The following RHBDD1 variants were observed in gnomAD, a reference collection of about 807,000 sequenced individuals.
RHBDD1 encodes the protein rhomboid-related protein 4.
Under a neutral mutation model 36.3 loss-of-function variants are expected in RHBDD1, and 38 were observed. The observed-to-expected ratio is 1.05, with a 90% CI of 0.81 to 1.37. The LOEUF (loss-of-function observed/expected upper bound fraction) is 1.37. Among genes scored for constraint, RHBDD1 ranks in the 40% most tolerant of loss-of-function variants. The pLI is 0.00. For missense variants in RHBDD1, 393 were observed against 377.6 expected, an observed-to-expected ratio of 1.04 and a Z score of -0.34; for synonymous variants, 151 against 136.5, an observed-to-expected ratio of 1.11 and a Z score of -0.74.
At chr2:226,993,788 G>A (rs138845397) in intron 8 of RHBDD1, among the ~76,000 whole-genome samples, 9 of 152,274 alleles carry the variant, frequency 5.9e-5, no homozygotes, top group African/African-American at 1.4e-4. Flanking sequence ...CTTTGACAAC[G>A]GAAACTTCAG....
At chr2:226,860,930 C>T (rs1943796583) in intron 3 of RHBDD1, among the ~76,000 whole-genome samples, 1 of 152,062 alleles carries the variant, frequency 6.6e-6, no homozygotes, top group Admixed American at 6.5e-5. Flanking sequence ...AGAAGTAGGC[C>T]ATTTAGAGGC....
At chr2:226,930,930 C>A (rs1400809582) in intron 8 of RHBDD1, among the ~76,000 whole-genome samples, 1 of 151,984 alleles carries the variant, frequency 6.6e-6, no homozygotes, top group Non-Finnish European at 1.5e-5. Context: ...ATTCAAACCA[C>A]AATATGAGAT....
chr2:226,911,563 T>TA lies in RHBDD1; in HGVS notation c.713-2643dup, dbSNP rs1298110565. ...GTTCTTTTTTTTTTTTTTTTTTTTT[T>TA]AATAAGGAATGAAAAGTAAGATGTG... On this transcript the variant is annotated intron_variant, in intron 7 of 8. Coordinates refer to ENST00000392062, the MANE Select transcript of RHBDD1 (RefSeq NM_001167608.3). Among the ~76,000 whole-genome samples, 149 of 148,636 alleles carry TA rather than the reference T, an allele frequency of 1.0e-3. 1 individual carries two copies. The highest frequency in any genetic ancestry group is 3.3e-3 in the African/African-American group (135 of 40,482).
chr2:226,939,271 C>G (rs963959091), intron 8 of RHBDD1, among the ~76,000 whole-genome samples: 1 of 152,114 alleles, frequency 6.6e-6, no homozygotes, highest in South Asian at 2.1e-4. Flanking sequence ...ATTGGAAGTT[C>G]CGGCCAGGGC....
chr2:226,955,238 C>G (rs1289856681), intron 8 of RHBDD1, among the ~76,000 whole-genome samples: 2 of 152,172 alleles, frequency 1.3e-5, no homozygotes, highest in African/African-American at 4.8e-5. Context: ...TGTTTGCACA[C>G]CCTTCCCAAA....
At chr2:226,929,144 A>G (rs1366420106) in intron 8 of RHBDD1, among the ~76,000 whole-genome samples, 1 of 152,138 alleles carries the variant, frequency 6.6e-6, no homozygotes, top group African/African-American at 2.4e-5. Context: ...TCCCTAATTC[A>G]TTCTATGAAG....
At chr2:226,971,833 T>C (rs1485113756) in intron 8 of RHBDD1, among the ~76,000 whole-genome samples, 2 of 152,182 alleles carry the variant, frequency 1.3e-5, no homozygotes, top group Non-Finnish European at 2.9e-5. Context: ...TTTGTGGCCT[T>C]TCTTCAAAGC....
intron 8 of RHBDD1, among the ~76,000 whole-genome samples, chr2:226,916,635 G>A (rs1262903245): frequency 1.3e-5 from 2 of 152,136 alleles, no homozygotes; most frequent in Non-Finnish European, 2.9e-5. Context: ...ATTATCTTCT[G>A]TTAAGAAAAT....
At chr2:226,894,348 C>G (rs904362574) in intron 5 of RHBDD1, among the ~76,000 whole-genome samples, 4 of 152,190 alleles carry the variant, frequency 2.6e-5, no homozygotes, top group Non-Finnish European at 5.9e-5. Flanking sequence ...TAGCTCACAG[C>G]AACTTCTGCC....
At chr2:226,945,708 T>C (rs1950945205) in intron 8 of RHBDD1, among the ~76,000 whole-genome samples, 1 of 152,172 alleles carries the variant, frequency 6.6e-6, no homozygotes, top group Non-Finnish European at 1.5e-5. Context: ...GTATTTCTGG[T>C]TCTAGATCCT....
intron 6 of RHBDD1, chr2:226,908,567 G>A: frequency 2.4e-6 from 1 of 417,090 alleles, no homozygotes; most frequent in East Asian, 3.8e-5. Flanking sequence ...TGTAAATTAG[G>A]GTTTCATTTT....
chr2:226,809,648 A>C, the RHBDD1 span, among the ~76,000 whole-genome samples: 1 of 152,166 alleles, frequency 6.6e-6, no homozygotes, highest in Non-Finnish European at 1.5e-5. Context: ...AGAGAGAGAC[A>C]CTCATATTAA....
chr2:226,908,638 GAC>G (rs74659334), intron 6 of RHBDD1, 182 bp from the exon 7 acceptor site: 36 of 563,010 alleles, frequency 6.4e-5, no homozygotes, highest in South Asian at 9.1e-5. Flanking sequence ...TCCCTGTAGG[GAC>G]ACACACACAC....
intron 3 of RHBDD1, among the ~76,000 whole-genome samples, chr2:226,842,263 T>G (rs940096083): frequency 6.6e-6 from 1 of 152,206 alleles, no homozygotes; most frequent in Non-Finnish European, 1.5e-5. Context: ...AATGATAGTC[T>G]CTTTTGCTGT....
chr2:226,825,604 T>C, the RHBDD1 span, among the ~76,000 whole-genome samples: 1 of 152,220 alleles, frequency 6.6e-6, no homozygotes, highest in Admixed American at 6.5e-5. Flanking sequence ...ATGGCTATTT[T>C]CATTTTGATA....
chr2:226,951,342 T>C lies in RHBDD1; in HGVS notation c.856+36991T>C, dbSNP rs149114929. Among the ~76,000 whole-genome samples the C allele has an allele frequency of 7.9e-5, 12 of 152,316 alleles. No individual in the cohort carries two copies. In the East Asian group the frequency reaches 2.3e-3, roughly 29 times the overall value. ...AACAATAACATAATAATACTATTAT[T>C]AATATTAGTATTCTGCTAAATGCTA... On this transcript the variant is annotated intron_variant, in intron 8 of 8. Transcript: ENST00000392062.
At chr2:226,993,218 G>A (rs989307878) in intron 8 of RHBDD1, among the ~76,000 whole-genome samples, 45 of 152,158 alleles carry the variant, frequency 3.0e-4, no homozygotes, top group African/African-American at 9.7e-4. Context: ...TTGAAGAAAC[G>A]CTAAAGAAAA....
chr2:226,823,641 T>C, the RHBDD1 span, among the ~76,000 whole-genome samples: 1 of 152,200 alleles, frequency 6.6e-6, no homozygotes, highest in Admixed American at 6.5e-5. Context: ...AAAATGTGGA[T>C]AGATAGATAC....
intron 3 of RHBDD1, among the ~76,000 whole-genome samples, chr2:226,841,247 C>T (rs1053140535): frequency 2.0e-5 from 3 of 152,164 alleles, no homozygotes; most frequent in East Asian, 1.9e-4. Flanking sequence ...ATCCTCCCAC[C>T]TCAGCCTCCC....
Sources: allele counts gnomAD v4.1 joint callset (sites outside exome capture counted in the v4.1 genomes callset), GRCh38; gene constraint gnomAD v4.1.1; transcripts MANE v1.5; gene names NCBI Gene and HGNC (gene_info 2026-07-23, HGNC 2026-07-21).